Variants in E2F3 observed in about 807,000 individuals in gnomAD.
The protein encoded by E2F3 is E2F transcription factor 3.
Under a neutral mutation model 44.4 loss-of-function variants are expected in E2F3, and 11 were observed. That is an observed-to-expected ratio of 0.25 (90% CI 0.16 to 0.41). E2F3 has a LOEUF of 0.41. E2F3 is among the 10% of genes least tolerant of loss of function. E2F3 has a pLI of 1.00. For missense variants in E2F3, 487 were observed against 583.6 expected (o/e 0.83, Z 1.70); for synonymous variants, 249 against 253.0 (o/e 0.98, Z 0.15).
At chr6:20,483,490 A>G (rs556498683) in intron 4 of E2F3, among the ~76,000 whole-genome samples, 165 of 152,298 alleles carry the variant, frequency 1.1e-3, no homozygotes, top group African/African-American at 3.6e-3. Flanking sequence ...CTGATTCCCA[A>G]TGAAAAAACT....
chr6:20,446,315 T>A (rs182008282), intron 1 of E2F3, among the ~76,000 whole-genome samples: 78 of 152,298 alleles, frequency 5.1e-4, no homozygotes, highest in African/African-American at 1.8e-3. Flanking sequence ...TGATATTATT[T>A]AGCACAGCAG....
At chr6:20,406,747 G>A (rs1405597143) in intron 1 of E2F3, among the ~76,000 whole-genome samples, 1 of 152,136 alleles carries the variant, frequency 6.6e-6, no homozygotes, top group Non-Finnish European at 1.5e-5. Flanking sequence ...GCCAACTTTT[G>A]GGTGCAGTTT....
chr6:20,490,051 T>C lies in E2F3; in HGVS notation c.1136-117T>C. 1 of 1,164,260 alleles carries C rather than the reference T, an allele frequency of 8.6e-7. No individual in the cohort carries two copies. The highest frequency in any genetic ancestry group is 1.6e-5 in the South Asian group (1 of 61,958). The allele number at this position is 1,164,260 out of a possible 1,614,324, so 72.1% of individuals were successfully genotyped here. On this transcript the variant is annotated intron_variant, in intron 6 of 6. Transcript: ENST00000346618. This position sits in a 1 kb window ranked among gnomAD's most constrained non-coding sequence, Gnocchi z 4.3. Reference sequence around the variant, plus strand: ...GATCTGCATCATAAAGTCGTCTCATTGTCATTATTTGCGGAAGGTACATGC... The same window carrying C: ...GATCTGCATCATAAAGTCGTCTCATCGTCATTATTTGCGGAAGGTACATGC...
At chr6:20,482,980 G>C (rs1210038622) in intron 4 of E2F3, 60 bp downstream of exon 4, 2 of 1,606,306 alleles carry the variant, frequency 1.2e-6, no homozygotes, top group African/African-American at 2.7e-5. Context: ...TTCCAGAGTT[G>C]ACAATCTGAC....
At chr6:20,417,223 A>G (rs1759877736) in intron 1 of E2F3, among the ~76,000 whole-genome samples, 2 of 152,220 alleles carry the variant, frequency 1.3e-5, no homozygotes, top group African/African-American at 4.8e-5. Context: ...TTAAAGATAC[A>G]GTGAAAAGTA....
intron 1 of E2F3, among the ~76,000 whole-genome samples, chr6:20,461,319 C>G (rs977670797): frequency 1.1e-4 from 17 of 152,038 alleles, no homozygotes; most frequent in African/African-American, 4.1e-4. Context: ...TGGTGAAACC[C>G]CGTTTCTACT....
intron 1 of E2F3, among the ~76,000 whole-genome samples, chr6:20,410,471 G>A (rs1194962894): frequency 1.3e-5 from 2 of 152,168 alleles, no homozygotes; most frequent in South Asian, 4.1e-4. Context: ...TACCTTATGG[G>A]GTTAGGAAGT....
At chr6:20,481,541 T>C in intron 3 of E2F3, 116 bp downstream of exon 3, 2 of 900,492 alleles carry the variant, frequency 2.2e-6, no homozygotes, top group South Asian at 1.7e-5. Flanking sequence ...TCTCTCCTAC[T>C]GTTTTCTTCT....
At chr6:20,475,971 A>G (rs560954364) in intron 1 of E2F3, among the ~76,000 whole-genome samples, 1 of 152,114 alleles carries the variant, frequency 6.6e-6, no homozygotes, top group East Asian at 1.9e-4. Flanking sequence ...ACACTCTGCC[A>G]CTCTCTAACA....
chr6:20,402,439 C>T lies in E2F3; in HGVS notation c.207C>T (p.Ser69=). The T allele has an allele frequency of 6.2e-7, 1 of 1,611,686 alleles. No homozygotes were observed. The highest frequency in any genetic ancestry group is 8.5e-7 in the Non-Finnish European group (1 of 1,179,502). The change falls in exon 1 of 7, where the codon TCC becomes TCT. Residue 69 remains serine, a synonymous_variant. Coordinates refer to ENST00000346618, the MANE Select transcript of E2F3 (RefSeq NM_001949.5). The surrounding 1 kb of genome is among the most constrained non-coding windows in gnomAD (Gnocchi z 5.6). ...TCACCACGAACACTTCCACCACCTC[C>T]TGTTCCTCCTCCCTCCAAAGCGGCG... ...QILTTNTSTT[S]CSSSLQSGAV...
At chr6:20,410,562 A>G (rs953360214) in intron 1 of E2F3, among the ~76,000 whole-genome samples, 1 of 152,200 alleles carries the variant, frequency 6.6e-6, no homozygotes, top group Non-Finnish European at 1.5e-5. Context: ...GAAACATGGT[A>G]TAATTGCCCT....
intron 1 of E2F3, among the ~76,000 whole-genome samples, chr6:20,458,858 C>T (rs1401810977): frequency 1.3e-5 from 2 of 152,206 alleles, no homozygotes; most frequent in South Asian, 2.1e-4. Flanking sequence ...TGGGTGTCTT[C>T]GGATGACTCT....
intron 1 of E2F3, among the ~76,000 whole-genome samples, chr6:20,424,210 G>GGTATGTGTGGGT (rs58738322): frequency 7.3e-6 from 1 of 136,920 alleles, no homozygotes; most frequent in African/African-American, 2.7e-5. Context: ...TCAGTGGAAG[G>GGTATGTGTGGGT]GTGTGTGTGT....
At chr6:20,416,889 G>C (rs1340764554) in intron 1 of E2F3, among the ~76,000 whole-genome samples, 1 of 152,002 alleles carries the variant, frequency 6.6e-6, no homozygotes, top group Non-Finnish European at 1.5e-5. Context: ...TCTTTCCTGG[G>C]CCTGGCCACC....
intron 1 of E2F3, among the ~76,000 whole-genome samples, chr6:20,411,813 C>A (rs1759683253): frequency 6.6e-6 from 1 of 152,308 alleles, no homozygotes; most frequent in Middle Eastern, 3.4e-3. Flanking sequence ...TGCTTCTTTC[C>A]TGTAACACCT....
In E2F3 at chr6:20,431,056, T is replaced by C. The variant is rs192129531; in HGVS notation, c.393+28431T>C. Reference sequence around the variant, plus strand: ...AAGAAAAAAAAGAATTAGATTATCTTTGGAAAATAGCAAAAAGGCCCAACC... The same window carrying C: ...AAGAAAAAAAAGAATTAGATTATCTCTGGAAAATAGCAAAAAGGCCCAACC... On this transcript the variant is annotated intron_variant, in intron 1 of 6. Transcript: ENST00000346618. 1.8e-4 allele frequency among the ~76,000 whole-genome samples: 28 copies of C among 152,158 alleles called. 1 individual carries two copies. The East Asian group carries it at 4.4e-3, about 24-fold the overall frequency.
intron 1 of E2F3, among the ~76,000 whole-genome samples, chr6:20,444,330 T>G (rs1760869087): frequency 6.6e-6 from 1 of 152,226 alleles, no homozygotes; most frequent in South Asian, 2.1e-4. Context: ...GCAATGAGAT[T>G]TTTAATATTA....
chr6:20,430,765 A>G (rs993706211), intron 1 of E2F3, among the ~76,000 whole-genome samples: 1 of 152,236 alleles, frequency 6.6e-6, no homozygotes, highest in Non-Finnish European at 1.5e-5. Context: ...CATGTTGATT[A>G]TAAAAGAATT....
At chr6:20,481,643 G>A (rs886967275) in intron 3 of E2F3, among the ~76,000 whole-genome samples, 6 of 152,126 alleles carry the variant, frequency 3.9e-5, no homozygotes, top group African/African-American at 1.2e-4. Flanking sequence ...AGAGATAAAA[G>A]GATTTATATT....
Sources: allele counts gnomAD v4.1 joint callset (sites outside exome capture counted in the v4.1 genomes callset), GRCh38; gene constraint gnomAD v4.1.1; non-coding constraint Gnocchi (gnomAD v3.1); transcripts MANE v1.5; gene names NCBI Gene and HGNC (gene_info 2026-07-23, HGNC 2026-07-21).